LAMA1: variants seen among roughly 807,000 people sequenced by gnomAD.
LAMA1 encodes the protein laminin subunit alpha-1.
A neutral mutation model predicts 348.7 loss-of-function variants in LAMA1; 219 were observed. The ratio of observed to expected loss-of-function variants is 0.63; its 90% CI spans 0.56 to 0.70. The LOEUF (loss-of-function observed/expected upper bound fraction) is 0.70. Among genes scored for constraint, LAMA1 ranks in the 30% least tolerant of loss-of-function variants. The probability of loss-of-function intolerance (pLI) is 0.00; values close to 1 mark genes in which losing one functional copy is unlikely to be tolerated. For synonymous variants in LAMA1, 1,487 were observed against 1,491.0 expected (o/e 1.00, Z 0.06); for missense variants, 3,744 against 3,888.0 (o/e 0.96, Z 0.99).
chr18:7,035,296 A>G (rs1012386379), intron 13 of LAMA1, among the ~76,000 whole-genome samples: 1 of 152,188 alleles, frequency 6.6e-6, no homozygotes, highest in Non-Finnish European at 1.5e-5. Flanking sequence ...GTATGGCAAC[A>G]CGTCTACTGT....
chr18:6,989,305 A>C (rs979923212), intron 36 of LAMA1, among the ~76,000 whole-genome samples: 12 of 152,072 alleles, frequency 7.9e-5, no homozygotes, highest in African/African-American at 2.7e-4. Context: ...TTCCTTAATA[A>C]ATCTTAGCTG....
At chr18:6,983,666 T>A (rs2057722214) in intron 39 of LAMA1, among the ~76,000 whole-genome samples, 1 of 152,190 alleles carries the variant, frequency 6.6e-6, no homozygotes, top group African/African-American at 2.4e-5. Flanking sequence ...GGCCGCTGAA[T>A]CTTATCCCTC....
At chr18:7,031,156 T>C (rs1010442568) in intron 16 of LAMA1, among the ~76,000 whole-genome samples, 10 of 152,188 alleles carry the variant, frequency 6.6e-5, no homozygotes, top group African/African-American at 2.4e-4. Flanking sequence ...TTTCCCTAAC[T>C]CTGTGACTCA....
chr18:7,014,716 AC>A (rs1275097765), intron 22 of LAMA1, among the ~76,000 whole-genome samples: 10 of 152,198 alleles, frequency 6.6e-5, no homozygotes, highest in Admixed American at 6.5e-4. Flanking sequence ...GAAGAAGGCT[AC>A]ATAGAAAACT....
At chr18:7,094,858 TA>T (rs1171582700) in intron 1 of LAMA1, among the ~76,000 whole-genome samples, 5 of 152,108 alleles carry the variant, frequency 3.3e-5, no homozygotes. Context: ...TCAAAAAGAA[TA>T]AAATATTTAG....
chr18:7,110,205 A>AG lies in LAMA1; in HGVS notation c.61+7454dup, dbSNP rs34036224. On this transcript the variant is annotated intron_variant, in intron 1 of 62. Coordinates refer to ENST00000389658, the MANE Select transcript of LAMA1 (RefSeq NM_005559.4). ...CCCCACCCGCTGCCAAAAAAAAAAA[A>AG]GCGGCTAGTTACACTATAGCAGCTG... Among the ~76,000 whole-genome samples, 545 of 150,124 alleles carry AG rather than the reference A, an allele frequency of 3.6e-3. 4 individuals carry two copies. The highest frequency in any genetic ancestry group is 0.013 in the African/African-American group (514 of 39,956).
intron 19 of LAMA1, among the ~76,000 whole-genome samples, chr18:7,021,833 A>ATATTATATAT (rs199751950): frequency 9.0e-4 from 59 of 65,900 alleles, no homozygotes; most frequent in African/African-American, 4.7e-3. Flanking sequence ...TATATAATAT[A>ATATTATATAT]ATAATATATT....
chr18:7,077,032 T>C (rs2058171081), intron 3 of LAMA1: 1 of 152,054 alleles, frequency 6.6e-6, no homozygotes, highest in African/African-American at 2.4e-5. Flanking sequence ...ATGTGCTTTG[T>C]TTAAAAAAAA....
intron 3 of LAMA1, among the ~76,000 whole-genome samples, chr18:7,061,078 A>C (rs1211367266): frequency 6.6e-6 from 1 of 152,152 alleles, no homozygotes; most frequent in Non-Finnish European, 1.5e-5. Flanking sequence ...GGATCACTTG[A>C]GCCTGGGAGG....
chr18:7,078,684 G>A (rs2058180805), intron 3 of LAMA1, among the ~76,000 whole-genome samples: 1 of 151,994 alleles, frequency 6.6e-6, no homozygotes, highest in South Asian at 2.1e-4. Flanking sequence ...GTATCACCTT[G>A]TCTTCTTAAA....
At chr18:7,012,415 G>C (rs1303718372) in intron 23 of LAMA1, among the ~76,000 whole-genome samples, 2 of 151,460 alleles carry the variant, frequency 1.3e-5, no homozygotes, top group African/African-American at 4.8e-5. Context: ...TCTGGAAGCC[G>C]CCTCGAGTCT....
intron 3 of LAMA1, among the ~76,000 whole-genome samples, chr18:7,065,670 T>A (rs1444523016): frequency 1.3e-5 from 2 of 152,156 alleles, no homozygotes; most frequent in African/African-American, 4.8e-5. Flanking sequence ...GAGATTGCAG[T>A]GAGCTGAGAT....
intron 1 of LAMA1, among the ~76,000 whole-genome samples, chr18:7,084,074 G>GAAAA (rs35419107): frequency 4.2e-4 from 21 of 49,690 alleles, no homozygotes; most frequent in East Asian, 7.7e-4. Flanking sequence ...TTCTGTCTCA[G>GAAAA]AAAAAAAAAA....
intron 3 of LAMA1, among the ~76,000 whole-genome samples, chr18:7,073,725 G>C (rs140030303): frequency 2.8e-3 from 419 of 152,130 alleles, no homozygotes; most frequent in African/African-American, 9.6e-3. Flanking sequence ...CTGAACACTG[G>C]CATCTGTTTG....
rs1328932197 is a variant in LAMA1 at position 7,032,053 on chromosome 18, G to C, written c.2274+13C>G. On this transcript the variant is annotated intron_variant, in intron 16 of 62. Transcript: ENST00000389658. ...AGGAGGAGAGGGCACCTGAACTACA[G>C]TGAGAGACTCACAATGCAAACGCCG... is the stretch of plus-strand genomic sequence containing the variant. 3 of 1,609,674 alleles carry C rather than the reference G, an allele frequency of 1.9e-6. No individual in the cohort carries two copies. The South Asian group carries it at 3.3e-5, about 18-fold the overall frequency.
intron 61 of LAMA1, 108 bp downstream of exon 61, chr18:6,947,055 G>A: frequency 7.0e-7 from 1 of 1,430,344 alleles, no homozygotes; most frequent in South Asian, 1.2e-5. Flanking sequence ...TGGGACCATT[G>A]TTTGACTCCA....
chr18:7,099,874 C>T (rs887901846), intron 1 of LAMA1, among the ~76,000 whole-genome samples: 3 of 151,522 alleles, frequency 2.0e-5, no homozygotes, highest in Non-Finnish European at 2.9e-5. Flanking sequence ...CTGGCTAACA[C>T]GGTGAAACCC....
chr18:7,019,576 C>T (rs551566818), intron 19 of LAMA1, among the ~76,000 whole-genome samples: 5 of 151,432 alleles, frequency 3.3e-5, no homozygotes, highest in South Asian at 2.1e-4. Flanking sequence ...TCTCTATTTT[C>T]GGTGTGAAAT....
intron 1 of LAMA1, among the ~76,000 whole-genome samples, chr18:7,112,266 CATACA>C (rs2058338714): frequency 6.6e-6 from 1 of 152,126 alleles, no homozygotes; most frequent in Non-Finnish European, 1.5e-5. Flanking sequence ...TTTGCAAGTA[CATACA>C]TTTACTAAAT....
Sources: gnomAD v4.1 joint callset for allele counts (sites outside exome capture counted in the v4.1 genomes callset) on GRCh38, gnomAD v4.1.1 for gene constraint, MANE v1.5 for transcripts, NCBI Gene and HGNC (gene_info 2026-07-23, HGNC 2026-07-21) for gene names.